XPO4: variants seen among roughly 807,000 people sequenced by gnomAD.
The protein encoded by XPO4 is exportin 4.
XPO4 carries 39 observed loss-of-function variants against 143.0 expected under a neutral mutation model. The observed-to-expected ratio is 0.27, with a 90% CI of 0.21 to 0.36. The LOEUF (loss-of-function observed/expected upper bound fraction) is 0.36, where lower values mean the gene tolerates loss of function less well. XPO4 is among the 10% of genes least tolerant of loss of function. The probability of loss-of-function intolerance (pLI) is 1.00; values close to 1 mark genes in which losing one functional copy is unlikely to be tolerated. For synonymous variants in XPO4, 439 were observed against 474.0 expected (o/e 0.93, Z 0.96); for missense variants, 907 against 1,348.0 (o/e 0.67, Z 5.12).
In XPO4 at chr13:20,877,913, C is replaced by G. The variant is rs139215466; in HGVS notation, c.70-9212G>C. On this transcript the variant is annotated intron_variant, in intron 1 of 22. Coordinates refer to ENST00000255305, the MANE Select transcript of XPO4 (RefSeq NM_022459.5). ...GCTAGATAAAAATTAAGTGCAAAAA[C>G]AAGTGTTTGGGGATGGGCATGGTGG... Among the ~76,000 whole-genome samples the G allele has an allele frequency of 2.5e-3, 377 of 152,286 alleles. 1 individual carries two copies. The highest frequency in any genetic ancestry group is 5.2e-3 in the Admixed American group (80 of 15,298).
chr13:20,807,847 C>A lies in XPO4; in HGVS notation c.1640-213G>T, dbSNP rs377175072. On this transcript the variant is annotated intron_variant, in intron 12 of 22. Transcript: ENST00000255305. ...CAGAAAAGGACAAATGTTTTATTCA[C>A]CAATTTTGTAATTCATAGGGGCTTT... Among the ~76,000 whole-genome samples the A allele has an allele frequency of 7.8e-4, 118 of 152,178 alleles. No homozygotes were observed. The Middle Eastern group carries it at 0.01, about 13-fold the overall frequency.
chr13:20,865,621 A>G, intron 2 of XPO4: 1 of 957,900 alleles, frequency 1.0e-6, no homozygotes, highest in Non-Finnish European at 1.2e-6. Flanking sequence ...ACTAAACAGA[A>G]ACATGAAGAC....
At chr13:20,857,182 G>T (rs1386329089) in intron 3 of XPO4, among the ~76,000 whole-genome samples, 1 of 152,088 alleles carries the variant, frequency 6.6e-6, no homozygotes, top group Non-Finnish European at 1.5e-5. Context: ...GTACTTTTAG[G>T]GGGACAGAAT....
intron 1 of XPO4, among the ~76,000 whole-genome samples, chr13:20,883,966 A>G (rs374225449): frequency 2.0e-5 from 3 of 152,106 alleles, no homozygotes; most frequent in Admixed American, 6.5e-5. Flanking sequence ...GGGTTTCTCC[A>G]TGTTGGCCAG....
At chr13:20,894,876 T>A (rs531863569) in intron 1 of XPO4, among the ~76,000 whole-genome samples, 192 of 148,756 alleles carry the variant, frequency 1.3e-3, no homozygotes, top group Non-Finnish European at 2.2e-3. Flanking sequence ...TAGATTTTTT[T>A]AAAACACATG....
At chr13:20,832,963 A>G (rs986190951) in intron 6 of XPO4, among the ~76,000 whole-genome samples, 5 of 152,202 alleles carry the variant, frequency 3.3e-5, no homozygotes, top group Non-Finnish European at 4.4e-5. Context: ...CAAAAATAGA[A>G]TACCAATAAA....
At chr13:20,885,103 C>T (rs1182555218) in intron 1 of XPO4, among the ~76,000 whole-genome samples, 3 of 152,128 alleles carry the variant, frequency 2.0e-5, no homozygotes, top group Non-Finnish European at 4.4e-5. Flanking sequence ...CAGGCATGCG[C>T]CACCACGCTG....
intron 4 of XPO4, among the ~76,000 whole-genome samples, chr13:20,847,049 C>G (rs1205682842): frequency 6.6e-6 from 1 of 151,844 alleles, no homozygotes; most frequent in East Asian, 1.9e-4. Flanking sequence ...TAAAATATAC[C>G]AAATAGTATA....
At chr13:20,847,287 C>T (rs1168003417) in intron 4 of XPO4, among the ~76,000 whole-genome samples, 2 of 152,156 alleles carry the variant, frequency 1.3e-5, no homozygotes, top group Admixed American at 6.5e-5. Context: ...ATGTCTAGGA[C>T]TCACTTCTAA....
intron 6 of XPO4, among the ~76,000 whole-genome samples, chr13:20,830,827 A>G (rs2059843916): frequency 6.6e-6 from 1 of 152,146 alleles, no homozygotes; most frequent in Non-Finnish European, 1.5e-5. Flanking sequence ...TATGGGAGAA[A>G]GGCTTACTAT....
intron 4 of XPO4, chr13:20,852,667 T>C (rs546417329): frequency 2.6e-5 from 25 of 973,628 alleles, no homozygotes; most frequent in African/African-American, 3.5e-5. Context: ...TGAATATTTA[T>C]GGCAACATGG....
chr13:20,894,671 G>A (rs904373256), intron 1 of XPO4, among the ~76,000 whole-genome samples: 42 of 151,696 alleles, frequency 2.8e-4, no homozygotes, highest in Admixed American at 3.3e-4. Context: ...GTAAAACCCC[G>A]TCTCTACTAA....
chr13:20,811,321 T>C (rs1373846843), intron 9 of XPO4, among the ~76,000 whole-genome samples: 2 of 148,646 alleles, frequency 1.3e-5, no homozygotes, highest in Non-Finnish European at 3.0e-5. Flanking sequence ...GGAGTCTCGC[T>C]CTGTTACCCA....
In XPO4 at chr13:20,796,063, C is replaced by T. The variant is rs1237452690; in HGVS notation, c.2797+13G>A. Reference sequence around the variant, plus strand: ...TAACAACAAAGTTTAAAAACCATCACGTTACATTTTACCTGTATCACTGAA... The same window carrying T: ...TAACAACAAAGTTTAAAAACCATCATGTTACATTTTACCTGTATCACTGAA... On this transcript the variant is annotated intron_variant, in intron 18 of 22. Coordinates refer to ENST00000255305, the MANE Select transcript of XPO4 (RefSeq NM_022459.5). 4 of 1,600,258 alleles carry T rather than the reference C, an allele frequency of 2.5e-6. No homozygotes were observed. Among genetic ancestry groups the T allele is most frequent in the Admixed American group, 1.7e-5 (1 of 58,480 alleles).
intron 12 of XPO4, 59 bp from the exon 13 acceptor site, chr13:20,807,693 A>G: frequency 7.7e-7 from 1 of 1,301,430 alleles, no homozygotes; most frequent in Non-Finnish European, 1.0e-6. Context: ...ATCAAATTGT[A>G]CTATAAATGT....
At chr13:20,859,765 G>A (rs1595138905) in intron 3 of XPO4, 1 of 702,138 alleles carries the variant, frequency 1.4e-6, no homozygotes, top group Non-Finnish European at 1.7e-6. Flanking sequence ...AACAGAGCAA[G>A]GCTCTGTCTC....
intron 22 of XPO4, among the ~76,000 whole-genome samples, chr13:20,785,284 G>A (rs1313093731): frequency 4.6e-5 from 7 of 152,274 alleles, no homozygotes; most frequent in Admixed American, 2.6e-4. Flanking sequence ...CCCAACCATG[G>A]AGCCAGAGTG....
chr13:20,812,105 T>C (rs976958732), intron 9 of XPO4, among the ~76,000 whole-genome samples: 1 of 152,084 alleles, frequency 6.6e-6, no homozygotes, highest in African/African-American at 2.4e-5. Context: ...GCATGGTGGC[T>C]CATGCCTGTA....
At chr13:20,900,326 G>C (rs1285558819) in intron 1 of XPO4, among the ~76,000 whole-genome samples, 1 of 152,018 alleles carries the variant, frequency 6.6e-6, no homozygotes, top group East Asian at 1.9e-4. Context: ...GGAGGTGGCA[G>C]TGAGCCAAGA....
Sources: allele counts gnomAD v4.1 joint callset (sites outside exome capture counted in the v4.1 genomes callset), GRCh38; gene constraint gnomAD v4.1.1; transcripts MANE v1.5; gene names NCBI Gene and HGNC (gene_info 2026-07-23, HGNC 2026-07-21).